SCHIP1: variants seen among roughly 807,000 people sequenced by gnomAD.
SCHIP1 encodes the protein schwannomin interacting protein 1.
SCHIP1 carries 8 observed loss-of-function variants against 29.7 expected under a neutral mutation model. That is an observed-to-expected ratio of 0.27 (90% CI 0.16 to 0.49). The LOEUF is 0.49. Among genes scored for constraint, SCHIP1 ranks in the 20% least tolerant of loss-of-function variants. SCHIP1 has a pLI of 0.99. For synonymous variants in SCHIP1, 76 were observed against 94.9 expected (o/e 0.80, Z 1.16); for missense variants, 193 against 294.6 (o/e 0.66, Z 2.52).
chr3:159,492,169 C>A, the SCHIP1 span, among the ~76,000 whole-genome samples: 1 of 152,096 alleles, frequency 6.6e-6, no homozygotes, highest in East Asian at 1.9e-4. Context: ...AGCAGAAAAA[C>A]CGGAAACTCT....
chr3:159,345,372 A>G, the SCHIP1 span, among the ~76,000 whole-genome samples: 14 of 152,204 alleles, frequency 9.2e-5, no homozygotes, highest in Admixed American at 3.9e-4. Flanking sequence ...AATCAACGCT[A>G]AAAACGATAT....
exon 1 of SCHIP1, chr3:159,839,980 C>A: frequency 3.5e-6 from 5 of 1,430,614 alleles, no homozygotes; most frequent in Non-Finnish European, 4.6e-6. Context: ...GGCTGGAGAG[C>A]AGCTCAGCTC....
the SCHIP1 span, among the ~76,000 whole-genome samples, chr3:159,579,172 A>T: frequency 6.6e-6 from 1 of 152,224 alleles, no homozygotes; most frequent in Non-Finnish European, 1.5e-5. Flanking sequence ...AATGGAGTCC[A>T]ATTTCTGAAT....
chr3:159,857,181 C>G (rs1713484358), intron 1 of SCHIP1, among the ~76,000 whole-genome samples: 1 of 152,202 alleles, frequency 6.6e-6, no homozygotes, highest in Non-Finnish European at 1.5e-5. Context: ...CATATCACCC[C>G]ATTGGCACAC....
At chr3:159,355,575 T>G in the SCHIP1 span, among the ~76,000 whole-genome samples, 1 of 152,170 alleles carries the variant, frequency 6.6e-6, no homozygotes, top group Non-Finnish European at 1.5e-5. Context: ...CTATTGTGGT[T>G]CTGGTACTAT....
chr3:159,693,697 T>C, the SCHIP1 span, among the ~76,000 whole-genome samples: 10 of 152,348 alleles, frequency 6.6e-5, no homozygotes, highest in East Asian at 1.9e-3. Context: ...ATTTACTTTG[T>C]ACACCTGCCT....
At chr3:159,809,224 G>A in the SCHIP1 span, among the ~76,000 whole-genome samples, 19,239 of 151,008 alleles carry the variant, frequency 0.13, 1,450 homozygotes, top group Middle Eastern at 0.29. Flanking sequence ...ACTGATGAGT[G>A]AGAACAAGCA....
the SCHIP1 span, among the ~76,000 whole-genome samples, chr3:159,460,795 G>A: frequency 6.6e-6 from 1 of 152,098 alleles, no homozygotes; most frequent in Admixed American, 6.6e-5. Flanking sequence ...GGTTTATGAA[G>A]CAAATTGGCT....
the SCHIP1 span, among the ~76,000 whole-genome samples, chr3:159,545,678 T>C: frequency 2.0e-5 from 3 of 147,668 alleles, no homozygotes; most frequent in Non-Finnish European, 4.5e-5. Context: ...ATATAATATA[T>C]AGTATTATAT....
the SCHIP1 span, among the ~76,000 whole-genome samples, chr3:159,426,247 T>A: frequency 7.2e-5 from 11 of 152,104 alleles, no homozygotes; most frequent in African/African-American, 2.4e-4. Context: ...ATCCAGGAGA[T>A]GGTTTTTTGA....
At chr3:159,282,851 A>G in the SCHIP1 span, 1 of 152,218 alleles carries the variant, frequency 6.6e-6, no homozygotes, top group Non-Finnish European at 1.5e-5. Flanking sequence ...CTTAAATATT[A>G]CATTTATATG....
At chr3:159,576,309 T>C in the SCHIP1 span, among the ~76,000 whole-genome samples, 1 of 152,206 alleles carries the variant, frequency 6.6e-6, no homozygotes, top group Non-Finnish European at 1.5e-5. Flanking sequence ...ACAGATATTT[T>C]CTCTTAGCAC....
chr3:159,515,938 G>T, the SCHIP1 span, among the ~76,000 whole-genome samples: 2 of 151,730 alleles, frequency 1.3e-5, no homozygotes, highest in Non-Finnish European at 2.9e-5. Context: ...CATAGTATTT[G>T]TAGATAAGTG....
the SCHIP1 span, among the ~76,000 whole-genome samples, chr3:159,463,282 G>GAAAA: frequency 5.1e-4 from 77 of 152,104 alleles, no homozygotes; most frequent in African/African-American, 1.8e-3. Flanking sequence ...CAGAGCTTTT[G>GAAAA]GGAAAGATAT....
chr3:159,889,679 A>G (rs1050465790), intron 5 of SCHIP1, among the ~76,000 whole-genome samples: 1 of 152,278 alleles, frequency 6.6e-6, no homozygotes, highest in Non-Finnish European at 1.5e-5. Context: ...ATGCATTCAA[A>G]CCAACTATAA....
At chr3:159,614,864 T>G in the SCHIP1 span, among the ~76,000 whole-genome samples, 1 of 152,220 alleles carries the variant, frequency 6.6e-6, no homozygotes, top group Non-Finnish European at 1.5e-5. Flanking sequence ...GGCACTGTGC[T>G]AGGTGCGTGC....
chr3:159,332,074 T>C, the SCHIP1 span, among the ~76,000 whole-genome samples: 1 of 152,178 alleles, frequency 6.6e-6, no homozygotes, highest in African/African-American at 2.4e-5. Context: ...CAAATGTGGC[T>C]TTGCTTGCTC....
the SCHIP1 span, among the ~76,000 whole-genome samples, chr3:159,565,066 T>A: frequency 6.6e-6 from 1 of 152,174 alleles, no homozygotes; most frequent in Non-Finnish European, 1.5e-5. Flanking sequence ...GTTGTTTTTT[T>A]AAAATTATCT....
intron 1 of SCHIP1, among the ~76,000 whole-genome samples, chr3:159,854,193 A>C (rs748049665): frequency 8.5e-5 from 13 of 152,158 alleles, no homozygotes; most frequent in African/African-American, 1.2e-4. Flanking sequence ...GGAAATGAAG[A>C]CCTCTTTACC....
Sources: allele counts gnomAD v4.1 joint callset (sites outside exome capture counted in the v4.1 genomes callset), GRCh38; gene constraint gnomAD v4.1.1; transcripts MANE v1.5; gene names NCBI Gene and HGNC (gene_info 2026-07-23, HGNC 2026-07-21).